Variants in FOXP4 observed in about 807,000 individuals in gnomAD.
FOXP4 encodes forkhead box protein P4.
A neutral mutation model predicts 82.6 loss-of-function variants in FOXP4; 25 were observed. That is an observed-to-expected ratio of 0.30 (90% CI 0.22 to 0.42). FOXP4 has a LOEUF of 0.42. Ranked by LOEUF, FOXP4 falls within the 10% of genes least tolerant of loss-of-function variation. The probability of loss-of-function intolerance (pLI) is 1.00; values close to 1 mark genes in which losing one functional copy is unlikely to be tolerated. For missense variants in FOXP4, 785 were observed against 900.9 expected (o/e 0.87, Z 1.65); for synonymous variants, 415 against 388.2 (o/e 1.07, Z -0.81).
At position 41,599,048 on chromosome 6, in the gene FOXP4, A is replaced by C. The variant is rs1235465265; in HGVS notation, c.*112A>C. 3 of 1,399,422 alleles carry C rather than the reference A, an allele frequency of 2.1e-6. No individual in the cohort carries two copies. The African/African-American group carries it at 4.4e-5, about 20-fold the overall frequency. The allele number at this position is 1,399,422 out of a possible 1,614,324, so 86.7% of individuals were successfully genotyped here. Reference sequence around the variant, plus strand: ...GAGCCTCAAGGCAAGTCCAGGACTCAGACCGGGGAGGCCCGGGCCAGCAGC... The same window carrying C: ...GAGCCTCAAGGCAAGTCCAGGACTCCGACCGGGGAGGCCCGGGCCAGCAGC... On this transcript the variant is annotated 3_prime_UTR_variant, in exon 17 of 17. Coordinates refer to ENST00000307972, the MANE Select transcript of FOXP4 (RefSeq NM_001012426.2).
At chr6:41,546,972 G>A (rs1763663408) in intron 1 of FOXP4, 105 bp downstream of exon 1, 1 of 151,440 alleles carries the variant, frequency 6.6e-6, no homozygotes, top group Admixed American at 6.6e-5. Flanking sequence ...CTCACTTTGT[G>A]TTTGCAAACT....
rs191187832 is a variant in FOXP4, at chr6:41,576,056, C to G, written c.205-1930C>G. Among the ~76,000 whole-genome samples, 90 of 151,484 alleles carry G rather than the reference C, an allele frequency of 5.9e-4. 2 individuals are homozygous for G. In the East Asian group the frequency reaches 0.014, roughly 24 times the overall value. ...TGCCCTTCCTCACCCGCAACCCCCC[C>G]CCCCACCCTTCCTCCTCTTTCCGCA... On this transcript the variant is annotated intron_variant, in intron 2 of 16. Transcript: ENST00000307972.
chr6:41,569,338 C>T (rs1765054727), intron 2 of FOXP4, among the ~76,000 whole-genome samples: 1 of 152,242 alleles, frequency 6.6e-6, no homozygotes, highest in Non-Finnish European at 1.5e-5. Flanking sequence ...ACACCCGTGG[C>T]CCATCCGTCC....
At position 41,587,152 on chromosome 6, in the gene FOXP4, G is replaced by A. The variant is rs979521760; in HGVS notation, c.654G>A (p.Pro218=). 1.6e-5 allele frequency: 25 copies of A among 1,592,974 alleles called. No individual in the cohort carries two copies. Among genetic ancestry groups the A allele is most frequent in the East Asian group, 2.2e-5 (1 of 44,638 alleles). Residue 218 remains proline, a synonymous_variant, in exon 6 of 17, where the codon CCG becomes CCA. Transcript: ENST00000307972. ...NQASGPLQTL[P]QAAVCPTDLP... ...CCTCGGGGCCCCTCCAGACCCTTCC[G>A]CAAGGTGAGCACCCGCCACTCCTCC...
chr6:41,594,729 C>T, intron 13 of FOXP4, 141 bp from the exon 14 acceptor site: 1 of 1,333,158 alleles, frequency 7.5e-7, no homozygotes, highest in Middle Eastern at 1.9e-4. Context: ...GGTCTCCTCC[C>T]AGCCCACCCC....
intron 2 of FOXP4, among the ~76,000 whole-genome samples, chr6:41,576,093 CT>C (rs1448934410): frequency 1.4e-5 from 2 of 146,574 alleles, no homozygotes; most frequent in African/African-American, 2.5e-5. Flanking sequence ...AGCCTTTTGA[CT>C]TAGAAAGGTC....
At chr6:41,569,200 C>G (rs1443745271) in intron 2 of FOXP4, among the ~76,000 whole-genome samples, 1 of 152,206 alleles carries the variant, frequency 6.6e-6, no homozygotes, top group African/African-American at 2.4e-5. Flanking sequence ...GCAGGAAGTA[C>G]AGTAGGCTCT....
At chr6:41,561,338 CAT>C (rs571177370) in intron 1 of FOXP4, among the ~76,000 whole-genome samples, 105 of 152,268 alleles carry the variant, frequency 6.9e-4, no homozygotes, top group African/African-American at 2.4e-3. Context: ...TTGCCCCCAA[CAT>C]GTGGTAGGAG....
At chr6:41,587,262 C>G (rs544247285) in intron 6 of FOXP4, 37 bp from the exon 7 acceptor site, 1 of 1,608,804 alleles carries the variant, frequency 6.2e-7, no homozygotes, top group African/African-American at 1.3e-5. Context: ...GCCGAGTGTT[C>G]GTGGGGCCCT....
Position 41,598,886 on chromosome 6 carries a change from C to T in FOXP4, c.1993C>T (p.Pro665Ser), listed in dbSNP as rs1454087496. 1 of 1,605,860 alleles carries T rather than the reference C, an allele frequency of 6.2e-7. No individual in the cohort carries two copies. Among genetic ancestry groups the T allele is most frequent in the Admixed American group, 1.7e-5 (1 of 58,788 alleles). The change falls in exon 17 of 17, where the codon CCG (proline) becomes TCG (serine). Residue 665 changes from proline to serine, a missense_variant. Pro to Ser is a moderately conservative substitution (Grantham distance 74). This residue lies in a region of FOXP4 where 184 missense variants were observed against 187.3 expected (regional missense o/e 0.98). Transcript: ENST00000307972. ...CCCTAACCCCAGCGCCTCGGGGCCT[C>T]CGGAAGACAGGGACCTGGAGGAGGA... is the stretch of plus-strand genomic sequence containing the variant. ...GAPNPSASGP[P>S]EDRDLEEELP... is the part of the protein sequence containing the mutation.
At chr6:41,586,526 C>G (rs1370532929) in intron 5 of FOXP4, among the ~76,000 whole-genome samples, 1 of 152,226 alleles carries the variant, frequency 6.6e-6, no homozygotes, top group Non-Finnish European at 1.5e-5. Flanking sequence ...CTCCTTGATT[C>G]TCTGTATCTA....
At chr6:41,572,123 C>T (rs1274441941) in intron 2 of FOXP4, among the ~76,000 whole-genome samples, 1 of 152,172 alleles carries the variant, frequency 6.6e-6, no homozygotes, top group Non-Finnish European at 1.5e-5. Flanking sequence ...ACCTCTGGGA[C>T]TTCTTCTCAG....
chr6:41,579,540 T>C (rs2127378959), intron 3 of FOXP4, among the ~76,000 whole-genome samples: 1 of 152,184 alleles, frequency 6.6e-6, no homozygotes. Flanking sequence ...GGGTAGGAGC[T>C]TGATGGTAGT....
In FOXP4 at chr6:41,558,495, T is replaced by A. The variant is rs902280059; in HGVS notation, c.-16-7250T>A. On this transcript the variant is annotated intron_variant, in intron 1 of 16. Transcript: ENST00000307972. The surrounding 1 kb of genome is among the most constrained non-coding windows in gnomAD (Gnocchi z 4.0). Reference sequence around the variant, plus strand: ...TCCTCATGCAGTGTGTCTTATTTGATACCACTGCAACCCTGGAAGGAAGGT... The same window carrying A: ...TCCTCATGCAGTGTGTCTTATTTGAAACCACTGCAACCCTGGAAGGAAGGT... Among the ~76,000 whole-genome samples, 1 of 152,224 alleles carries A rather than the reference T, an allele frequency of 6.6e-6. No homozygotes were observed. Among genetic ancestry groups the A allele is most frequent in the Non-Finnish European group, 1.5e-5 (1 of 68,038 alleles).
chr6:41,595,364 T>G (rs1766772322), intron 14 of FOXP4, among the ~76,000 whole-genome samples: 2 of 151,926 alleles, frequency 1.3e-5, no homozygotes, highest in African/African-American at 4.9e-5. Flanking sequence ...GCACCCGCTC[T>G]CTCAGCTCAT....
At chr6:41,583,548 G>A (rs1765924141) in intron 3 of FOXP4, among the ~76,000 whole-genome samples, 1 of 152,244 alleles carries the variant, frequency 6.6e-6, no homozygotes, top group Non-Finnish European at 1.5e-5. Flanking sequence ...TGAGGTGCCA[G>A]GGAAGGCATT....
intron 14 of FOXP4, among the ~76,000 whole-genome samples, chr6:41,595,627 A>G (rs1191025533): frequency 6.6e-6 from 1 of 151,280 alleles, no homozygotes; most frequent in Non-Finnish European, 1.5e-5. Context: ...TTTGAGAAGG[A>G]GTTTTGTTCT....
rs1035011385 is a variant in FOXP4 at position 41,599,900 on chromosome 6, C to G, written c.*964C>G. The G allele has an allele frequency of 2.6e-5, 4 of 152,628 alleles. No homozygotes were observed. The highest frequency in any genetic ancestry group is 1.9e-4 in the East Asian group (1 of 5,172). The allele number at this position is 152,628 out of a possible 1,614,324, so 9.5% of individuals were successfully genotyped here. A position where few individuals can be genotyped will look rare whatever the true frequency, so the allele number is the denominator to read the frequency against. On this transcript the variant is annotated 3_prime_UTR_variant, in exon 17 of 17. Coordinates refer to ENST00000307972, the MANE Select transcript of FOXP4 (RefSeq NM_001012426.2). ...TCCCCTTCCTTGCCCGCCTCTCCCC[C>G]CGCCGCCCCACCAGTTAAACGGATG...
At chr6:41,553,317 C>T (rs2127311542) in intron 1 of FOXP4, among the ~76,000 whole-genome samples, 1 of 149,892 alleles carries the variant, frequency 6.7e-6, no homozygotes, top group South Asian at 2.1e-4. Flanking sequence ...TTAATTGAAT[C>T]TCGTTGGGAG....
Sources: gnomAD v4.1 joint callset for allele counts (sites outside exome capture counted in the v4.1 genomes callset) on GRCh38, gnomAD v4.1.1 for gene constraint, gnomAD v4.1.1 regional missense constraint, Gnocchi (gnomAD v3.1) non-coding constraint, MANE v1.5 for transcripts, NCBI Gene and HGNC (gene_info 2026-07-23, HGNC 2026-07-21) for gene names.